ADAMTS12: variants seen among roughly 807,000 people sequenced by gnomAD.
ADAMTS12 encodes the protein A disintegrin and metalloproteinase with thrombospondin motifs 12.
Under a neutral mutation model 167.8 loss-of-function variants are expected in ADAMTS12, and 118 were observed. The ratio of observed to expected loss-of-function variants is 0.70; its 90% CI spans 0.61 to 0.82. ADAMTS12 has a LOEUF of 0.82. Ranked by LOEUF, ADAMTS12 falls within the 40% of genes least tolerant of loss-of-function variation. The probability of loss-of-function intolerance (pLI) is 0.00; values close to 1 mark genes in which losing one functional copy is unlikely to be tolerated. For synonymous variants in ADAMTS12, 704 were observed against 716.9 expected (o/e 0.98, Z 0.29); for missense variants, 1,916 against 1,998.8 (o/e 0.96, Z 0.79).
At chr5:33,544,929 C>T (rs1274458447) in intron 22 of ADAMTS12, among the ~76,000 whole-genome samples, 2 of 152,130 alleles carry the variant, frequency 1.3e-5, no homozygotes, top group African/African-American at 2.4e-5. Context: ...CTAGGCAATA[C>T]CATTCAGGAC....
In ADAMTS12 at chr5:33,873,589, A is replaced by G. The variant is rs568661900; in HGVS notation, c.489+7530T>C. Among the ~76,000 whole-genome samples, 3 of 152,316 alleles carry G rather than the reference A, an allele frequency of 2.0e-5. No individual in the cohort carries two copies. In the South Asian group the frequency reaches 6.2e-4, roughly 32 times the overall value. ...GATTCTAAAATTTATATGGAGAGTC[A>G]AAACACACAGACTAGCCAATACAGA... On this transcript the variant is annotated intron_variant, in intron 2 of 23. Transcript: ENST00000504830.
intron 7 of ADAMTS12, among the ~76,000 whole-genome samples, chr5:33,657,390 A>C (rs1337512442): frequency 6.6e-6 from 1 of 152,168 alleles, no homozygotes; most frequent in Non-Finnish European, 1.5e-5. Context: ...TCAGCTGTTC[A>C]TGTGCCTCCC....
At chr5:33,858,388 G>A (rs956082579) in intron 2 of ADAMTS12, among the ~76,000 whole-genome samples, 1 of 151,408 alleles carries the variant, frequency 6.6e-6, no homozygotes, top group African/African-American at 2.4e-5. Context: ...CAGGTGTGCT[G>A]GCTCACGCCT....
chr5:33,833,445 T>C (rs1338922827), intron 2 of ADAMTS12, among the ~76,000 whole-genome samples: 1 of 151,862 alleles, frequency 6.6e-6, no homozygotes, highest in Non-Finnish European at 1.5e-5. Flanking sequence ...TCAGCTCTCT[T>C]TTCTTTTCAG....
At chr5:33,761,931 G>A (rs986692357) in intron 2 of ADAMTS12, among the ~76,000 whole-genome samples, 1 of 152,222 alleles carries the variant, frequency 6.6e-6, no homozygotes, top group Non-Finnish European at 1.5e-5. Context: ...GGTGGCTCAC[G>A]CCTATAATCC....
chr5:33,871,073 A>G (rs1561319696), intron 2 of ADAMTS12, among the ~76,000 whole-genome samples: 1 of 152,236 alleles, frequency 6.6e-6, no homozygotes, highest in Non-Finnish European at 1.5e-5. Context: ...GAACAAATCA[A>G]TACATAAATT....
chr5:33,880,569 CAAACT>C (rs895685628), intron 2 of ADAMTS12, among the ~76,000 whole-genome samples: 3 of 152,212 alleles, frequency 2.0e-5, no homozygotes, highest in Non-Finnish European at 4.4e-5. Context: ...CATAGTTTGC[CAAACT>C]TTGCTCCATG....
intron 2 of ADAMTS12, among the ~76,000 whole-genome samples, chr5:33,771,825 T>TCTTC (rs1745748597): frequency 6.6e-6 from 1 of 151,270 alleles, no homozygotes; most frequent in South Asian, 2.1e-4. Context: ...TCATCCTTTT[T>TCTTC]CTTTCTTTCT....
At chr5:33,545,649 G>T (rs1744934930) in intron 22 of ADAMTS12, among the ~76,000 whole-genome samples, 1 of 152,094 alleles carries the variant, frequency 6.6e-6, no homozygotes, top group South Asian at 2.1e-4. Flanking sequence ...AAGAAAATGT[G>T]GCACATATAC....
intron 2 of ADAMTS12, among the ~76,000 whole-genome samples, chr5:33,846,111 T>A (rs1280702152): frequency 6.6e-6 from 1 of 152,094 alleles, no homozygotes; most frequent in Non-Finnish European, 1.5e-5. Flanking sequence ...CTGAATCAAA[T>A]CATAAGCCAA....
chr5:33,610,208 C>A (rs60944772), intron 16 of ADAMTS12, among the ~76,000 whole-genome samples: 2,705 of 151,880 alleles, frequency 0.018, 89 homozygotes, highest in African/African-American at 0.062. Flanking sequence ...ACAGCAACAA[C>A]AAAAAAGAAA....
At chr5:33,837,535 G>A (rs1199515256) in intron 2 of ADAMTS12, among the ~76,000 whole-genome samples, 6 of 152,128 alleles carry the variant, frequency 3.9e-5, no homozygotes, top group African/African-American at 1.4e-4. Context: ...TTCATTTCTT[G>A]CAGGAATCTG....
chr5:33,581,110 G>T (rs112040800), intron 18 of ADAMTS12, among the ~76,000 whole-genome samples: 112 of 152,260 alleles, frequency 7.4e-4, no homozygotes, highest in African/African-American at 2.5e-3. Context: ...TTTGTATTCA[G>T]CTCCACGCTT....
intron 5 of ADAMTS12, among the ~76,000 whole-genome samples, chr5:33,664,521 A>AT (rs1392212822): frequency 6.6e-6 from 1 of 152,228 alleles, no homozygotes; most frequent in Non-Finnish European, 1.5e-5. Context: ...AATGGAAGAC[A>AT]TACAAATGGC....
At chr5:33,690,614 T>A (rs1742515754) in intron 3 of ADAMTS12, among the ~76,000 whole-genome samples, 1 of 152,078 alleles carries the variant, frequency 6.6e-6, no homozygotes, top group Non-Finnish European at 1.5e-5. Flanking sequence ...CATAATTACA[T>A]CAAATGTAAG....
intron 2 of ADAMTS12, among the ~76,000 whole-genome samples, chr5:33,826,917 T>C (rs903190766): frequency 6.6e-6 from 1 of 152,076 alleles, no homozygotes; most frequent in Non-Finnish European, 1.5e-5. Flanking sequence ...GGCTTCTTAG[T>C]AAAATACCAA....
chr5:33,605,807 G>A (rs534815858), intron 16 of ADAMTS12, among the ~76,000 whole-genome samples: 7 of 152,160 alleles, frequency 4.6e-5, no homozygotes, highest in Admixed American at 2.0e-4. Context: ...ATATTCATTC[G>A]TTTAATTCTC....
At chr5:33,880,968 T>C (rs1269227523) in intron 2 of ADAMTS12, 151 bp downstream of exon 2, 1 of 1,149,380 alleles carries the variant, frequency 8.7e-7, no homozygotes, top group Non-Finnish European at 1.2e-6. Flanking sequence ...TTAAATACTT[T>C]CTCGCCAACC....
At chr5:33,575,894 T>C (rs905606617) in intron 19 of ADAMTS12, among the ~76,000 whole-genome samples, 160 bp downstream of exon 19, 2 of 152,118 alleles carry the variant, frequency 1.3e-5, no homozygotes, top group Admixed American at 6.6e-5. Context: ...TAAAGAGTTA[T>C]GGGGGTAAGG....
Sources: allele counts gnomAD v4.1 joint callset (sites outside exome capture counted in the v4.1 genomes callset), GRCh38; gene constraint gnomAD v4.1.1; transcripts MANE v1.5; gene names NCBI Gene and HGNC (gene_info 2026-07-23, HGNC 2026-07-21).